ZNF558: variants seen among roughly 807,000 people sequenced by gnomAD.
The protein encoded by ZNF558 is zinc finger protein 558.
Under a neutral mutation model 37.6 loss-of-function variants are expected in ZNF558, and 23 were observed. That is an observed-to-expected ratio of 0.61 (90% CI 0.44 to 0.87). The LOEUF (loss-of-function observed/expected upper bound fraction) is 0.87. ZNF558 is among the 40% of genes least tolerant of loss of function. ZNF558 has a pLI of 0.00. For missense variants in ZNF558, 429 were observed against 483.7 expected, an observed-to-expected ratio of 0.89 and a Z score of 1.06; for synonymous variants, 189 against 174.4, an observed-to-expected ratio of 1.08 and a Z score of -0.66.
chr19:8,820,497 T>G (rs901424094), intron 7 of ZNF558, among the ~76,000 whole-genome samples: 5 of 152,218 alleles, frequency 3.3e-5, no homozygotes, highest in African/African-American at 1.2e-4. Flanking sequence ...GTTTTGTTTT[T>G]TTTGAGACAC....
rs895619859 is a variant in ZNF558, at chr19:8,810,141, A to C, written c.*1140T>G. ...GTGAATGCTCACAAGTTTCCTAACAAATGTAGAAAAACAGAAAGCTCTCCA... is the reference window on the plus strand; with the variant it reads ...GTGAATGCTCACAAGTTTCCTAACACATGTAGAAAAACAGAAAGCTCTCCA... On this transcript the variant is annotated 3_prime_UTR_variant, in exon 10 of 10. Transcript: ENST00000601372. 1 of 152,172 alleles carries C rather than the reference A, an allele frequency of 6.6e-6. No individual in the cohort carries two copies. The highest frequency in any genetic ancestry group is 2.4e-5 in the African/African-American group (1 of 41,426). 9.4% of individuals were successfully genotyped at this position (152,172 alleles called of 1,614,324 possible). A position where few individuals can be genotyped will look rare whatever the true frequency, so the allele number is the denominator to read the frequency against.
At chr19:8,812,266 A>G (rs1293450123) in intron 9 of ZNF558, among the ~76,000 whole-genome samples, 2 of 152,216 alleles carry the variant, frequency 1.3e-5, no homozygotes, top group African/African-American at 4.8e-5. Context: ...AGTCCTTATC[A>G]GATGCACAAA....
Position 8,813,229 on chromosome 19 carries a change from A to G in ZNF558, c.248-7T>C. The G allele has an allele frequency of 6.3e-7, 1 of 1,575,682 alleles. No homozygotes were observed. Among genetic ancestry groups the G allele is most frequent in the Non-Finnish European group, 8.6e-7 (1 of 1,158,056 alleles). Reference sequence around the variant, plus strand: ...GGTTTATTAACACGACACCCTATTTATGGAAACAATACACATGATATAGGT... The same window carrying G: ...GGTTTATTAACACGACACCCTATTTGTGGAAACAATACACATGATATAGGT... On this transcript the variant is annotated splice_polypyrimidine_tract_variant and splice_region_variant and intron_variant, in intron 7 of 9. Coordinates refer to ENST00000601372, the MANE Select transcript of ZNF558 (RefSeq NM_144693.3).
rs1198868652 is a variant in ZNF558 at position 8,821,162 on chromosome 19, G to C, written c.247+18C>G. The C allele has an allele frequency of 5.0e-6, 8 of 1,610,696 alleles. No individual in the cohort carries two copies. Among genetic ancestry groups the C allele is most frequent in the African/African-American group, 1.3e-5 (1 of 74,830 alleles). On this transcript the variant is annotated intron_variant, in intron 7 of 9. Transcript: ENST00000601372. Reference sequence around the variant, plus strand: ...CACTGGAGTCATTAAATAAATGCAGGAATGACATTAGGCTTACCTAGTGAG... The same window carrying C: ...CACTGGAGTCATTAAATAAATGCAGCAATGACATTAGGCTTACCTAGTGAG...
upstream of ZNF558, among the ~76,000 whole-genome samples, chr19:8,835,315 G>A (rs1176622335): frequency 2.4e-4 from 37 of 152,110 alleles, no homozygotes; most frequent in Admixed American, 2.4e-3. Context: ...GCCTCCCTAA[G>A]TGCTGGGATT....
rs2043723739 is a variant in ZNF558 at position 8,808,682 on chromosome 19, T to C, written c.*2599A>G. 1 of 152,262 alleles carries C rather than the reference T, an allele frequency of 6.6e-6. No individual in the cohort carries two copies. Among genetic ancestry groups the C allele is most frequent in the Admixed American group, 6.5e-5 (1 of 15,286 alleles). 9.4% of individuals were successfully genotyped at this position (152,262 alleles called of 1,614,324 possible). On this transcript the variant is annotated 3_prime_UTR_variant, in exon 10 of 10. Transcript: ENST00000601372. Reference sequence around the variant, plus strand: ...TTGACCAATTTATAGGTTTACCAGTTAGATTCTGCATCCTGCTGGAAGTTA... The same window carrying C: ...TTGACCAATTTATAGGTTTACCAGTCAGATTCTGCATCCTGCTGGAAGTTA...
chr19:8,813,332 T>C (rs1323096278), intron 7 of ZNF558, 110 bp from the exon 8 acceptor site: 5 of 780,880 alleles, frequency 6.4e-6, no homozygotes, highest in Non-Finnish European at 8.5e-6. Context: ...TTAGGAGCAG[T>C]GAAATAAATT....
intron 2 of ZNF558, among the ~76,000 whole-genome samples, chr19:8,828,592 AG>A (rs1186423041): frequency 6.6e-6 from 1 of 152,188 alleles, no homozygotes; most frequent in Non-Finnish European, 1.5e-5. Flanking sequence ...AGTCTAAACC[AG>A]TGTGTAACCT....
upstream of ZNF558, chr19:8,833,109 G>A (rs972662084): frequency 1.3e-5 from 2 of 152,524 alleles, no homozygotes; most frequent in African/African-American, 2.4e-5. Context: ...ATGAATAAAA[G>A]GGTGTATGAT....
At chr19:8,813,690 T>C (rs1340841674) in intron 7 of ZNF558, among the ~76,000 whole-genome samples, 3 of 152,164 alleles carry the variant, frequency 2.0e-5, no homozygotes, top group African/African-American at 7.2e-5. Flanking sequence ...CTAGTGCATA[T>C]GGTAACTCTC....
chr19:8,837,552 A>T, the ZNF558 span, among the ~76,000 whole-genome samples: 2 of 152,142 alleles, frequency 1.3e-5, no homozygotes, highest in Non-Finnish European at 2.9e-5. Flanking sequence ...TCTGCCTCGA[A>T]TGGGGGTGGC....
In ZNF558 at chr19:8,810,624, T is replaced by G. The variant is rs1568458944; in HGVS notation, c.*657A>C. The G allele has an allele frequency of 6.6e-6, 1 of 152,230 alleles. No individual in the cohort carries two copies. The highest frequency in any genetic ancestry group is 2.4e-5 in the African/African-American group (1 of 41,442). The allele number at this position is 152,230 out of a possible 1,614,324, so 9.4% of individuals were successfully genotyped here. On this transcript the variant is annotated 3_prime_UTR_variant, in exon 10 of 10. Transcript: ENST00000601372. ...GAATGCTATTTCATATTGATTAGAG[T>G]AGAAGGATGATGTGCTGAGGGCTTT...
At chr19:8,816,909 A>C (rs1340969292) in intron 7 of ZNF558, among the ~76,000 whole-genome samples, 1 of 152,250 alleles carries the variant, frequency 6.6e-6, no homozygotes, top group Non-Finnish European at 1.5e-5. Context: ...GAACAGCTAC[A>C]GTGAAACAAA....
upstream of ZNF558, among the ~76,000 whole-genome samples, chr19:8,836,469 C>G (rs1036199264): frequency 1.3e-5 from 2 of 150,480 alleles, no homozygotes; most frequent in Admixed American, 6.6e-5. Flanking sequence ...CCTCCTCCCC[C>G]CCTCTCCTCC....
chr19:8,812,733 GT>G, intron 8 of ZNF558, 90 bp from the exon 9 acceptor site: 2 of 735,382 alleles, frequency 2.7e-6, no homozygotes, highest in South Asian at 2.4e-5. Context: ...AGGGATCAGG[GT>G]TTTTGAGGAT....
rs2043715777 is a variant in ZNF558 at position 8,807,866 on chromosome 19, A to T, written c.*3415T>A. The T allele has an allele frequency of 6.6e-6, 1 of 152,166 alleles. No individual in the cohort carries two copies. Among genetic ancestry groups the T allele is most frequent in the African/African-American group, 2.4e-5 (1 of 41,442 alleles). 9.4% of individuals were successfully genotyped at this position (152,166 alleles called of 1,614,324 possible). On this transcript the variant is annotated 3_prime_UTR_variant, in exon 10 of 10. Coordinates refer to ENST00000601372, the MANE Select transcript of ZNF558 (RefSeq NM_144693.3). ...GGCACACAGAACATACTCCGTTAATAGGGTAGTGGTTAAGTGCATGGACTG... is the reference window on the plus strand; with the variant it reads ...GGCACACAGAACATACTCCGTTAATTGGGTAGTGGTTAAGTGCATGGACTG...
chr19:8,813,243 C>T, intron 7 of ZNF558, 21 bp from the exon 8 acceptor site: 1 of 1,555,788 alleles, frequency 6.4e-7, no homozygotes, highest in South Asian at 1.2e-5. Context: ...AAACAATACA[C>T]ATGATATAGG....
intron 2 of ZNF558, 149 bp downstream of exon 2, chr19:8,831,169 T>C: frequency 6.6e-6 from 1 of 152,232 alleles, no homozygotes; most frequent in Non-Finnish European, 1.5e-5. Flanking sequence ...TAAACACCTC[T>C]GTCTTTTTAC....
At chr19:8,835,284 T>G (rs1195279503), upstream of ZNF558, among the ~76,000 whole-genome samples, 1 of 152,144 alleles carries the variant, frequency 6.6e-6, no homozygotes, top group Non-Finnish European at 1.5e-5. Context: ...ACTCCTGACC[T>G]CAAGTGATCT....
Sources: gnomAD v4.1 joint callset for allele counts (sites outside exome capture counted in the v4.1 genomes callset) on GRCh38, gnomAD v4.1.1 for gene constraint, MANE v1.5 for transcripts, NCBI Gene and HGNC (gene_info 2026-07-23, HGNC 2026-07-21) for gene names.